NPAS3: variants seen among roughly 807,000 people sequenced by gnomAD.
NPAS3 encodes the protein neuronal PAS domain-containing protein 3.
A neutral mutation model predicts 73.1 loss-of-function variants in NPAS3; 14 were observed. That is an observed-to-expected ratio of 0.19 (90% CI 0.13 to 0.30). NPAS3 has a LOEUF of 0.30. Among genes scored for constraint, NPAS3 ranks in the 10% least tolerant of loss-of-function variants. The pLI is 1.00. For synonymous variants in NPAS3, 620 were observed against 541.5 expected, an observed-to-expected ratio of 1.14 and a Z score of -2.01; for missense variants, 1,096 against 1,250.0, an observed-to-expected ratio of 0.88 and a Z score of 1.86.
chr14:33,288,793 A>C (rs574220612), intron 3 of NPAS3, among the ~76,000 whole-genome samples: 7 of 152,194 alleles, frequency 4.6e-5, no homozygotes, highest in African/African-American at 1.7e-4. Context: ...ACTTCAATCT[A>C]ATCATGCACA....
intron 4 of NPAS3, among the ~76,000 whole-genome samples, chr14:33,556,880 T>A (rs1442093744): frequency 6.6e-6 from 1 of 152,230 alleles, no homozygotes; most frequent in Non-Finnish European, 1.5e-5. Context: ...AGTTCTCCTG[T>A]GATCTTTCTT....
Position 33,543,983 on chromosome 14 carries a change from A to C in NPAS3, c.469-16138A>C, listed in dbSNP as rs1275268409. ...TATATATATATATATATATATATAT[A>C]TATATATATATATATATATCTATAT... On this transcript the variant is annotated intron_variant, in intron 4 of 11. Coordinates refer to ENST00000356141, the Ensembl canonical transcript of NPAS3. Among the ~76,000 whole-genome samples, 148 of 36,648 alleles carry C rather than the reference A, an allele frequency of 4.0e-3. 2 individuals carry two copies. The highest frequency in any genetic ancestry group is 0.032 in the African/African-American group (122 of 3,864). The allele number at this position is 36,648 out of a possible 152,430, so 24.0% of individuals were successfully genotyped here.
rs113121756 is a variant in NPAS3, at chr14:33,249,911, C to T, written c.385+34485C>T. The stretch of plus-strand genomic sequence containing the variant: ...CGTTTGGAAGCAAATCTGTCATACA[C>T]ACACACACACACACACACACACACA... On this transcript the variant is annotated intron_variant, in intron 3 of 11. Coordinates refer to ENST00000356141, the Ensembl canonical transcript of NPAS3. Among the ~76,000 whole-genome samples, 152 of 149,264 alleles carry T rather than the reference C, an allele frequency of 1.0e-3. 1 individual carries two copies. Among genetic ancestry groups the T allele is most frequent in the Admixed American group, 5.0e-3 (75 of 14,862 alleles).
chr14:33,327,503 A>T (rs906381220), intron 3 of NPAS3, among the ~76,000 whole-genome samples: 17 of 152,216 alleles, frequency 1.1e-4, no homozygotes, highest in Non-Finnish European at 1.9e-4. Flanking sequence ...TTCCTCTGGG[A>T]TATGGTGCAG....
At chr14:33,273,455 C>T (rs1479539885) in intron 3 of NPAS3, among the ~76,000 whole-genome samples, 5 of 152,074 alleles carry the variant, frequency 3.3e-5, no homozygotes, top group African/African-American at 9.7e-5. Flanking sequence ...ATTTCAGAGG[C>T]CCCATTTTCT....
intron 6 of NPAS3, among the ~76,000 whole-genome samples, chr14:33,717,537 A>G (rs2060991391): frequency 6.6e-6 from 1 of 152,158 alleles, no homozygotes; most frequent in African/African-American, 2.4e-5. Flanking sequence ...CTCATTTCAT[A>G]AAATCTGGAA....
At chr14:33,460,323 C>T (rs186878657) in intron 4 of NPAS3, among the ~76,000 whole-genome samples, 156 of 152,264 alleles carry the variant, frequency 1.0e-3, no homozygotes, top group Middle Eastern at 6.8e-3. Flanking sequence ...ATTGCACAGC[C>T]GTGAGGCAAT....
chr14:33,614,785 TG>T (rs1366858163), intron 5 of NPAS3, among the ~76,000 whole-genome samples: 2 of 152,190 alleles, frequency 1.3e-5, no homozygotes, highest in Non-Finnish European at 2.9e-5. Context: ...TTAAAGTAAT[TG>T]AACCTTTTCC....
chr14:33,373,571 T>A (rs1392339284), intron 4 of NPAS3, among the ~76,000 whole-genome samples: 1 of 152,164 alleles, frequency 6.6e-6, no homozygotes, highest in Non-Finnish European at 1.5e-5. Flanking sequence ...TGTACATAAC[T>A]AATAGAGAAA....
intron 2 of NPAS3, among the ~76,000 whole-genome samples, chr14:33,190,973 A>C (rs189950871): frequency 5.3e-5 from 8 of 152,256 alleles, no homozygotes; most frequent in Non-Finnish European, 7.4e-5. Context: ...ATTCCCCCCC[A>C]CAATTCTTTA....
intron 5 of NPAS3, among the ~76,000 whole-genome samples, chr14:33,651,191 G>A (rs1335645265): frequency 2.0e-5 from 3 of 152,166 alleles, no homozygotes. Flanking sequence ...GCGCCATGCA[G>A]TGCCATCTTC....
chr14:33,344,390 T>G (rs181855488), intron 3 of NPAS3, among the ~76,000 whole-genome samples: 2 of 152,360 alleles, frequency 1.3e-5, no homozygotes, highest in East Asian at 3.9e-4. Flanking sequence ...TTTGACATTT[T>G]CAGCATGGAT....
At chr14:32,995,693 G>C (rs912996641) in intron 1 of NPAS3, among the ~76,000 whole-genome samples, 1 of 152,170 alleles carries the variant, frequency 6.6e-6, no homozygotes, top group Non-Finnish European at 1.5e-5. Flanking sequence ...CTCTTTTCCT[G>C]CTGCCATCCA....
intron 2 of NPAS3, among the ~76,000 whole-genome samples, chr14:33,164,945 A>T (rs1252023685): frequency 6.6e-6 from 1 of 152,014 alleles, no homozygotes; most frequent in East Asian, 1.9e-4. Context: ...TATGAATTTA[A>T]TAGGACTTTT....
intron 6 of NPAS3, among the ~76,000 whole-genome samples, chr14:33,726,608 T>A (rs34771877): frequency 1.3e-5 from 2 of 151,976 alleles, no homozygotes; most frequent in African/African-American, 2.4e-5. Flanking sequence ...AGTCTCTTAC[T>A]CTGTGTTATT....
At position 33,166,721 on chromosome 14, in the gene NPAS3, T is replaced by C. The variant is rs143385539; in HGVS notation, c.141-48461T>C. On this transcript the variant is annotated intron_variant, in intron 2 of 11. Coordinates refer to ENST00000356141, the Ensembl canonical transcript of NPAS3. ...TGCAGAATTATGGTGCTGGCTTCCA[T>C]TGAATGGCAAATGGGATGAGATGGT... 1.2e-3 allele frequency among the ~76,000 whole-genome samples: 180 copies of C among 152,312 alleles called. 1 individual carries two copies. The highest frequency in any genetic ancestry group is 3.9e-3 in the African/African-American group (163 of 41,578).
Position 33,522,511 on chromosome 14 carries a change from G to A in NPAS3, c.469-37610G>A, listed in dbSNP as rs143610269. On this transcript the variant is annotated intron_variant, in intron 4 of 11. Coordinates refer to ENST00000356141, the Ensembl canonical transcript of NPAS3. ...TATATTATAGCAAGATAATAAAAACGCCTCTACTCTTAACCATCACCATGT... is the reference window on the plus strand; with the variant it reads ...TATATTATAGCAAGATAATAAAAACACCTCTACTCTTAACCATCACCATGT... Among the ~76,000 whole-genome samples, 56 of 152,068 alleles carry A rather than the reference G, an allele frequency of 3.7e-4. No individual in the cohort carries two copies. In the East Asian group the frequency reaches 9.7e-3, roughly 26 times the overall value.
chr14:33,747,684 C>G (rs1468184799), intron 7 of NPAS3, among the ~76,000 whole-genome samples: 1 of 152,192 alleles, frequency 6.6e-6, no homozygotes, highest in Non-Finnish European at 1.5e-5. Context: ...CTCTAAGTGG[C>G]CATGTTGGAA....
At chr14:33,337,155 A>G (rs1466639533) in intron 3 of NPAS3, among the ~76,000 whole-genome samples, 1 of 152,186 alleles carries the variant, frequency 6.6e-6, no homozygotes, top group Non-Finnish European at 1.5e-5. Context: ...ATCTTTGCAT[A>G]ATATGAAGTC....
Sources: gnomAD v4.1 joint callset for allele counts (sites outside exome capture counted in the v4.1 genomes callset) on GRCh38, gnomAD v4.1.1 for gene constraint, MANE v1.5 for transcripts, NCBI Gene and HGNC (gene_info 2026-07-23, HGNC 2026-07-21) for gene names.